The following TBC1D23 variants were observed in gnomAD, a reference collection of about 807,000 sequenced individuals.
TBC1D23 encodes HCV non-structural protein 4A-transactivated protein 1.
Under a neutral mutation model 91.4 loss-of-function variants are expected in TBC1D23, and 55 were observed. The observed-to-expected ratio is 0.60, with a 90% CI of 0.48 to 0.75. TBC1D23 has a LOEUF of 0.75. Ranked by LOEUF, TBC1D23 falls within the 30% of genes least tolerant of loss-of-function variation. TBC1D23 has a pLI of 0.00. For missense variants in TBC1D23, 725 were observed against 836.1 expected (o/e 0.87, Z 1.64); for synonymous variants, 289 against 281.0 (o/e 1.03, Z -0.28).
intron 4 of TBC1D23, among the ~76,000 whole-genome samples, chr3:100,290,050 A>G (rs574219342): frequency 1.3e-4 from 20 of 152,282 alleles, no homozygotes; most frequent in African/African-American, 4.3e-4. Context: ...ATTGAACAAG[A>G]TGAGTATTTT....
chr3:100,299,753 C>T (rs1705383062), intron 10 of TBC1D23, among the ~76,000 whole-genome samples: 1 of 152,176 alleles, frequency 6.6e-6, no homozygotes, highest in South Asian at 2.1e-4. Context: ...TCAGGTGATC[C>T]CCCTGCCTCA....
At chr3:100,294,791 ATTC>A (rs2067823636) in intron 5 of TBC1D23, among the ~76,000 whole-genome samples, 2 of 152,204 alleles carry the variant, frequency 1.3e-5, no homozygotes, top group South Asian at 4.1e-4. Flanking sequence ...TACTTTAGGT[ATTC>A]TTTTCACAAT....
intron 1 of TBC1D23, among the ~76,000 whole-genome samples, chr3:100,263,398 T>G (rs2067530707): frequency 6.6e-6 from 1 of 152,232 alleles, no homozygotes; most frequent in Non-Finnish European, 1.5e-5. Context: ...CATCTGGGCG[T>G]ATACGTGCAA....
chr3:100,268,524 C>CT (rs2148849144), intron 1 of TBC1D23, among the ~76,000 whole-genome samples: 1 of 152,240 alleles, frequency 6.6e-6, no homozygotes, highest in African/African-American at 2.4e-5. Flanking sequence ...TTTATAACAA[C>CT]TATGTTTCTG....
intron 15 of TBC1D23, among the ~76,000 whole-genome samples, chr3:100,313,490 G>A (rs1705667593): frequency 6.6e-6 from 1 of 152,072 alleles, no homozygotes; most frequent in Non-Finnish European, 1.5e-5. Context: ...TTCATTTTTA[G>A]CCAGTCTTTC....
chr3:100,273,424 ATC>A (rs769690683), intron 1 of TBC1D23, among the ~76,000 whole-genome samples: 1 of 152,180 alleles, frequency 6.6e-6, no homozygotes, highest in South Asian at 2.1e-4. Flanking sequence ...TAACAATCTG[ATC>A]TCTCTTTCTT....
At chr3:100,316,243 C>A in intron 16 of TBC1D23, 56 bp downstream of exon 16, 1 of 1,252,428 alleles carries the variant, frequency 8.0e-7, no homozygotes, top group Non-Finnish European at 1.2e-6. Flanking sequence ...GTGATTACAG[C>A]AGTCATTCTG....
At chr3:100,274,650 T>C (rs1272141000) in intron 1 of TBC1D23, among the ~76,000 whole-genome samples, 1 of 151,662 alleles carries the variant, frequency 6.6e-6, no homozygotes, top group African/African-American at 2.4e-5. Flanking sequence ...GTATAGTATT[T>C]GTCTTTTTGG....
At position 100,283,686 on chromosome 3, in the gene TBC1D23, A is replaced by G; in HGVS notation, c.351A>G (p.Ser117=). The change falls in exon 4 of 19, where the codon TCA becomes TCG. Residue 117 remains serine (S), a synonymous_variant. Transcript: ENST00000394144. The stretch of plus-strand genomic sequence containing the variant: ...CTGTAATTACCTTTTATTGTAAATC[A>G]CGTAACATTAAATATAGCACATCCC... ...IESVITFYCK[S]RNIKYSTSLS... 1 of 1,612,516 alleles carries G rather than the reference A, an allele frequency of 6.2e-7. No individual in the cohort carries two copies. The highest frequency in any genetic ancestry group is 1.7e-4 in the Middle Eastern group (1 of 6,060).
rs371390485 is a variant in TBC1D23 at position 100,319,057 on chromosome 3, T to C, written c.1688-12T>C. ...GGTAATATCCATATTTAATACTTTGTATTTTTTATAGATGAAATTGACAGT... is the reference window on the plus strand; with the variant it reads ...GGTAATATCCATATTTAATACTTTGCATTTTTTATAGATGAAATTGACAGT... On this transcript the variant is annotated splice_polypyrimidine_tract_variant and intron_variant, in intron 16 of 18. Coordinates refer to ENST00000394144, the MANE Select transcript of TBC1D23 (RefSeq NM_001199198.3). 8 of 1,513,702 alleles carry C rather than the reference T, an allele frequency of 5.3e-6. No individual in the cohort carries two copies. The African/African-American group carries it at 1.1e-4, about 21-fold the overall frequency. The allele number at this position is 1,513,702 out of a possible 1,614,324, so 93.8% of individuals were successfully genotyped here.
chr3:100,308,735 T>G (rs1422644543), intron 13 of TBC1D23, among the ~76,000 whole-genome samples: 1 of 152,224 alleles, frequency 6.6e-6, no homozygotes, highest in African/African-American at 2.4e-5. Flanking sequence ...AAAATGCTAT[T>G]TAAAAATAAT....
intron 8 of TBC1D23, among the ~76,000 whole-genome samples, chr3:100,296,655 C>T (rs930229671): frequency 4.6e-5 from 7 of 151,360 alleles, no homozygotes; most frequent in South Asian, 2.1e-4. Flanking sequence ...GTCGGGAGAT[C>T]GAGACCATCC....
At position 100,299,262 on chromosome 3, in the gene TBC1D23, G is replaced by A. The variant is rs146856935; in HGVS notation, c.1023G>A (p.Val341=). 4.8e-4 allele frequency: 768 copies of A among 1,612,440 alleles called. 1 individual carries two copies. The highest frequency in any genetic ancestry group is 8.3e-4 in the Middle Eastern group (5 of 6,050). Reference sequence around the variant, plus strand: ...AGGAAGGAGTCCGGTTCTTTGTGGTGGATTGCCGTCCTGCAGAACAATATA... The same window carrying A: ...AGGAAGGAGTCCGGTTCTTTGTGGTAGATTGCCGTCCTGCAGAACAATATA... ...LQGEGVRFFV[V]DCRPAEQYNA... Residue 341 remains valine (V), a synonymous_variant, in exon 10 of 19, where the codon GTG becomes GTA. Transcript: ENST00000394144.
Position 100,302,156 on chromosome 3 carries a change from T to G in TBC1D23, c.1182T>G (p.Gly394=). The change falls in exon 11 of 19, where the codon GGT becomes GGG. Residue 394 remains glycine (G), a synonymous_variant. Coordinates refer to ENST00000394144, the MANE Select transcript of TBC1D23 (RefSeq NM_001199198.3). The part of the protein sequence containing the change: ...KQSIESGSIA[G]GEHLCFMGSG... ...CCATTGAGTCTGGCTCCATAGCTGG[T>G]GGGGAGCACCTCTGTTTTATGGGCA... is the stretch of plus-strand genomic sequence containing the variant. 6.2e-7 allele frequency: 1 copy of G among 1,614,056 alleles called. No individual in the cohort carries two copies. Among genetic ancestry groups the G allele is most frequent in the Non-Finnish European group, 8.5e-7 (1 of 1,179,952 alleles).
At chr3:100,290,531 T>C (rs753856490) in intron 4 of TBC1D23, 47 bp from the exon 5 acceptor site, 1 of 1,589,440 alleles carries the variant, frequency 6.3e-7, no homozygotes, top group Admixed American at 1.7e-5. Flanking sequence ...GATGTGATTA[T>C]TTCTGATCTG....
chr3:100,312,981 G>A (rs1479931698), intron 15 of TBC1D23, among the ~76,000 whole-genome samples: 3 of 151,702 alleles, frequency 2.0e-5, no homozygotes, highest in Admixed American at 1.3e-4. Context: ...GTGAAACCCC[G>A]TCTCTACAGA....
chr3:100,318,703 T>C (rs1263186720), intron 16 of TBC1D23, among the ~76,000 whole-genome samples: 8 of 150,858 alleles, frequency 5.3e-5, no homozygotes, highest in Non-Finnish European at 8.8e-5. Flanking sequence ...CAAGCTGGAG[T>C]GCAGTGGCGC....
At chr3:100,291,900 G>C (rs527540049) in intron 5 of TBC1D23, among the ~76,000 whole-genome samples, 1 of 150,174 alleles carries the variant, frequency 6.7e-6, no homozygotes, top group Admixed American at 6.7e-5. Flanking sequence ...CAAGTAGCTT[G>C]GATTACAGGT....
At chr3:100,285,800 A>G (rs1239580637) in intron 4 of TBC1D23, among the ~76,000 whole-genome samples, 1 of 152,088 alleles carries the variant, frequency 6.6e-6, no homozygotes, top group Non-Finnish European at 1.5e-5. Context: ...GTTGACTTGC[A>G]TTTCCCTAAT....
Sources: allele counts gnomAD v4.1 joint callset (sites outside exome capture counted in the v4.1 genomes callset), GRCh38; gene constraint gnomAD v4.1.1; transcripts MANE v1.5; gene names NCBI Gene and HGNC (gene_info 2026-07-23, HGNC 2026-07-21).